SERPINF1: variants seen among roughly 807,000 people sequenced by gnomAD.
The protein encoded by SERPINF1 is serpin family F member 1.
In SERPINF1, 29 loss-of-function variants were observed where a neutral mutation model predicts 37.3. The observed-to-expected ratio is 0.78, with a 90% CI of 0.58 to 1.06. The LOEUF (loss-of-function observed/expected upper bound fraction) is 1.06. SERPINF1 is among the 50% of genes least tolerant of loss of function. The probability of loss-of-function intolerance (pLI) is 0.00; values close to 1 mark genes in which losing one functional copy is unlikely to be tolerated. For missense variants in SERPINF1, 553 were observed against 532.2 expected (o/e 1.04, Z -0.38); for synonymous variants, 281 against 227.9 (o/e 1.23, Z -2.10).
chr17:1,775,013 T>C (rs1907939029), intron 5 of SERPINF1, 45 bp from the exon 6 acceptor site: 1 of 1,613,640 alleles, frequency 6.2e-7, no homozygotes, highest in South Asian at 1.1e-5. Context: ...GCCACTGTCT[T>C]TCTGGTCTCC....
At chr17:1,765,701 C>T (rs753348100) in intron 1 of SERPINF1, among the ~76,000 whole-genome samples, 3 of 151,964 alleles carry the variant, frequency 2.0e-5, no homozygotes, top group Non-Finnish European at 2.9e-5. Context: ...TACTAAGACA[C>T]AGCACTGAGA....
rs1907774606 is a variant in SERPINF1, at chr17:1,772,021, A to G, written c.589A>G (p.Lys197Glu). The G allele has an allele frequency of 1.2e-6, 2 of 1,613,690 alleles. No homozygotes were observed. Among genetic ancestry groups the G allele is most frequent in the South Asian group, 1.1e-5 (1 of 91,060 alleles). Residue 197 changes from lysine to glutamate, a missense_variant, in exon 5 of 8, where the codon AAG (lysine) becomes GAG (glutamate). Transcript: ENST00000254722. ...QMKGKLARST[K>E]EIPDEISILL... The stretch of plus-strand genomic sequence containing the variant: ...GAAAGGGAAGCTCGCCAGGTCCACA[A>G]AGGAAATTCCCGATGAGATCAGCAT...
At chr17:1,776,392 G>C in intron 6 of SERPINF1, 140 bp from the exon 7 acceptor site, 1 of 779,744 alleles carries the variant, frequency 1.3e-6, no homozygotes, top group South Asian at 1.4e-5. Flanking sequence ...CCTGGAAGGG[G>C]AATTGTTAAA....
At chr17:1,776,137 G>C (rs965706254) in intron 6 of SERPINF1, among the ~76,000 whole-genome samples, 2 of 151,990 alleles carry the variant, frequency 1.3e-5, no homozygotes, top group East Asian at 3.9e-4. Context: ...CGGCCCCTTC[G>C]GTATTCCTAT....
chr17:1,768,290 G>T (rs1475612914), intron 2 of SERPINF1, among the ~76,000 whole-genome samples: 1 of 151,788 alleles, frequency 6.6e-6, no homozygotes, highest in Non-Finnish European at 1.5e-5. Flanking sequence ...AATTAGCTGG[G>T]TGTGGTGGGG....
chr17:1,771,232 G>T, intron 4 of SERPINF1, 48 bp downstream of exon 4: 2 of 1,584,312 alleles, frequency 1.3e-6, no homozygotes, highest in Non-Finnish European at 8.6e-7. Context: ...TGGGCTCCAT[G>T]CTGCAGGCTG....
intron 1 of SERPINF1, among the ~76,000 whole-genome samples, chr17:1,765,323 A>T (rs1907309889): frequency 6.8e-6 from 1 of 148,072 alleles, no homozygotes; most frequent in Admixed American, 6.8e-5. Flanking sequence ...ATTTTATTTT[A>T]TTTTATTTAT....
intron 5 of SERPINF1, among the ~76,000 whole-genome samples, chr17:1,774,355 C>T (rs1907904430): frequency 6.6e-6 from 1 of 152,156 alleles, no homozygotes; most frequent in African/African-American, 2.4e-5. Context: ...ACCACTGCAC[C>T]CGGCTAGTTT....
intron 7 of SERPINF1, 141 bp downstream of exon 7, chr17:1,776,883 C>T (rs960887073): frequency 7.2e-6 from 6 of 828,450 alleles, no homozygotes; most frequent in African/African-American, 6.8e-5. Flanking sequence ...CTCATCGTGC[C>T]AGAAGGGAAG....
At chr17:1,774,879 A>C (rs1907932774) in intron 5 of SERPINF1, among the ~76,000 whole-genome samples, 179 bp from the exon 6 acceptor site, 1 of 152,156 alleles carries the variant, frequency 6.6e-6, no homozygotes, top group African/African-American at 2.4e-5. Context: ...TCCTGGAAAT[A>C]ACTGTAGGCT....
chr17:1,768,165 C>A (rs932477369), intron 2 of SERPINF1, among the ~76,000 whole-genome samples: 2 of 152,086 alleles, frequency 1.3e-5, no homozygotes, highest in Non-Finnish European at 2.9e-5. Flanking sequence ...GGCGCGGTGG[C>A]TCACGCCTGT....
chr17:1,775,533 C>T (rs920226627), intron 6 of SERPINF1, among the ~76,000 whole-genome samples: 1 of 150,682 alleles, frequency 6.6e-6, no homozygotes, highest in Non-Finnish European at 1.5e-5. Flanking sequence ...TGACAAACTC[C>T]AAATCGTTGG....
At chr17:1,773,324 G>T (rs1451023465) in intron 5 of SERPINF1, among the ~76,000 whole-genome samples, 2 of 152,140 alleles carry the variant, frequency 1.3e-5, no homozygotes, top group East Asian at 3.9e-4. Context: ...GCTCACTACA[G>T]CCTCCCCACC....
rs563835258 is a variant in SERPINF1, at chr17:1,772,136, C to T, written c.643+61C>T. ...CTGTATTTTAACTAATTAATTAATT[C>T]GATGGAGTCTTACTCTGTAGTCCTA... On this transcript the variant is annotated intron_variant, in intron 5 of 7. Coordinates refer to ENST00000254722, the MANE Select transcript of SERPINF1 (RefSeq NM_002615.7). The T allele has an allele frequency of 9.3e-5, 141 of 1,519,180 alleles. No homozygotes were observed. In the African/African-American group the frequency reaches 1.6e-3, roughly 17 times the overall value. The allele number at this position is 1,519,180 out of a possible 1,614,324, so 94.1% of individuals were successfully genotyped here.
chr17:1,773,227 A>G (rs1476082152), intron 5 of SERPINF1, among the ~76,000 whole-genome samples: 4 of 152,146 alleles, frequency 2.6e-5, no homozygotes, highest in Non-Finnish European at 5.9e-5. Context: ...GGGCTTTCCC[A>G]GCTTTTGAGT....
In SERPINF1 at chr17:1,769,884, G is replaced by A. The variant is rs1390556300; in HGVS notation, c.117G>A (p.Leu39=). 3 of 1,614,110 alleles carry A rather than the reference G, an allele frequency of 1.9e-6. No homozygotes were observed. Among genetic ancestry groups the A allele is most frequent in the Non-Finnish European group, 2.5e-6 (3 of 1,180,048 alleles). The stretch of plus-strand genomic sequence containing the variant: ...CAGACCCCGACAGCACAGGGGCGCT[G>A]GTGGAGGAGGAGGATCCTTTCTTCA... The part of the protein sequence containing the change: ...GSPDPDSTGA[L]VEEEDPFFKV... Residue 39 remains leucine (L), a synonymous_variant, in exon 3 of 8, where the codon CTG becomes CTA. Coordinates refer to ENST00000254722, the MANE Select transcript of SERPINF1 (RefSeq NM_002615.7).
chr17:1,767,949 A>C (rs1907485154), intron 2 of SERPINF1, among the ~76,000 whole-genome samples: 1 of 152,190 alleles, frequency 6.6e-6, no homozygotes, highest in Admixed American at 6.6e-5. Context: ...CACACCTGTA[A>C]TCCCAGCAGT....
chr17:1,773,125 A>C (rs889708445), intron 5 of SERPINF1, among the ~76,000 whole-genome samples: 3 of 152,290 alleles, frequency 2.0e-5, no homozygotes, highest in Non-Finnish European at 4.4e-5. Flanking sequence ...CTTGTCATCA[A>C]ATCCAAGGCA....
In SERPINF1 at chr17:1,777,502, C is replaced by G; in HGVS notation, c.*56C>G. ...AGAAAACCCGAGGGACAGCAGATTCCACAGGACACGAAGGCTGCCCCTGTA... is the reference window on the plus strand; with the variant it reads ...AGAAAACCCGAGGGACAGCAGATTCGACAGGACACGAAGGCTGCCCCTGTA... On this transcript the variant is annotated 3_prime_UTR_variant, in exon 8 of 8. Transcript: ENST00000254722. The G allele has an allele frequency of 6.2e-7, 1 of 1,610,200 alleles. No homozygotes were observed. Among genetic ancestry groups the G allele is most frequent in the Non-Finnish European group, 8.5e-7 (1 of 1,177,410 alleles).
Sources: gnomAD v4.1 joint callset for allele counts (sites outside exome capture counted in the v4.1 genomes callset) on GRCh38, gnomAD v4.1.1 for gene constraint, MANE v1.5 for transcripts, NCBI Gene and HGNC (gene_info 2026-07-23, HGNC 2026-07-21) for gene names.